The following PPEF1 variants were observed in gnomAD, a reference collection of about 807,000 sequenced individuals.
PPEF1 encodes the protein protein phosphatase with EF-hand domain 1.
A neutral mutation model predicts 53.3 loss-of-function variants in PPEF1; 12 were observed. That is an observed-to-expected ratio of 0.23 (90% confidence interval 0.14 to 0.36). The LOEUF (loss-of-function observed/expected upper bound fraction) is 0.36, where lower values mean the gene tolerates loss of function less well. PPEF1 is among the 10% of genes least tolerant of loss of function. The probability of loss-of-function intolerance (pLI) is 1.00; values close to 1 mark genes in which losing one functional copy is unlikely to be tolerated. For synonymous variants in PPEF1, 165 were observed against 176.7 expected (o/e 0.93, Z 0.52); for missense variants, 334 against 490.4 (o/e 0.68, Z 3.01).
At chrX:18,691,975 C>T (rs772409847) in intron 4 of PPEF1, among the ~76,000 whole-genome samples, 1 of 111,846 alleles carries the variant, frequency 8.9e-6, no homozygotes, top group South Asian at 3.8e-4. Context: ...TCCCTGTTGG[C>T]TCCTTCCTCT....
chrX:18,718,513 C>A (rs149260919), intron 1 of PPEF1, among the ~76,000 whole-genome samples: 1,560 of 111,349 alleles, frequency 0.014, 36 homozygotes, highest in African/African-American at 0.048. Context: ...TCACTTGAGC[C>A]CAGGAGGTGG....
At chrX:18,797,360 A>C in intron 10 of PPEF1, among the ~76,000 whole-genome samples, 1 of 112,171 alleles carries the variant, frequency 8.9e-6, no homozygotes, top group Middle Eastern at 4.6e-3. Flanking sequence ...CCTTATGTTC[A>C]CTGAGATGTG....
intron 6 of PPEF1, among the ~76,000 whole-genome samples, chrX:18,773,576 A>G (rs1284681966): frequency 8.9e-6 from 1 of 111,943 alleles, no homozygotes; most frequent in Non-Finnish European, 1.9e-5. Context: ...CTACTTTGCT[A>G]TTTCACTTTG....
Position 18,783,899 on chromosome X carries a change from C to G in PPEF1, c.763C>G (p.Leu255Val). ...FTKEILHKYK[L>V]HGKRILQILE... is the part of the protein sequence containing the mutation. ...AACTTACTCAAGCTCTTACTTACAG[C>G]TACATGGAAAAAGAATCTTACAAAT... Residue 255 changes from leucine (L) to valine (V), a missense_variant and splice_region_variant, in exon 9 of 16, where the codon CTA (leucine) becomes GTA (valine). Physicochemically the swap from Leu to Val is conservative, Grantham distance 32 (BLOSUM62 1). Transcript: ENST00000470157. The G allele has an allele frequency of 8.3e-7, 1 of 1,206,312 alleles. No homozygotes were observed. Among genetic ancestry groups the G allele is most frequent in the South Asian group, 1.8e-5 (1 of 55,591 alleles).
In PPEF1 at chrX:18,810,322, CCT is replaced by C. The variant is rs996317661; in HGVS notation, c.1394+3784_1394+3785del. On this transcript the variant is annotated intron_variant, in intron 12 of 15. Transcript: ENST00000470157. ...GAAAATTTCTCTTTCTCTGTCTCTGCCTCTCTCTGCGCACACACACACACACA... is the reference window on the plus strand; with the variant it reads ...GAAAATTTCTCTTTCTCTGTCTCTGCCTCTCTGCGCACACACACACACACA... 6.6e-5 allele frequency among the ~76,000 whole-genome samples: 7 copies of C among 106,554 alleles called. No individual in the cohort carries two copies. The East Asian group carries it at 1.1e-3, about 17-fold the overall frequency. The allele number at this position is 106,554 out of a possible 115,157, so 92.5% of individuals were successfully genotyped here. A position where few individuals can be genotyped will look rare whatever the true frequency, so the allele number is the denominator to read the frequency against.
chrX:18,688,340 A>T (rs976801826), intron 3 of PPEF1, among the ~76,000 whole-genome samples: 25 of 112,156 alleles, frequency 2.2e-4, no homozygotes, highest in African/African-American at 8.1e-4. Flanking sequence ...CTGGAAAGGG[A>T]GGTGGTTTTT....
In PPEF1 at chrX:18,677,615, C is replaced by G. The variant is rs560550366; in HGVS notation, c.-587+1485C>G. 4.1e-3 allele frequency among the ~76,000 whole-genome samples: 461 copies of G among 111,282 alleles called. 2 individuals are homozygous for G. The highest frequency in any genetic ancestry group is 0.014 in the African/African-American group (439 of 30,672). On this transcript the variant is annotated intron_variant, in intron 1 of 20. Coordinates refer to the PPEF1 transcript ENST00000689646. ...TCCGTAAACCTCCTGTACCCCCAAC[C>G]CTAATCTCGGTTACAGCTGATGATC...
intron 14 of PPEF1, among the ~76,000 whole-genome samples, chrX:18,824,946 G>A: frequency 8.9e-6 from 1 of 111,790 alleles, no homozygotes; most frequent in African/African-American, 3.2e-5. Context: ...TTACAGGCAT[G>A]AGCCCCTGTG....
intron 3 of PPEF1, among the ~76,000 whole-genome samples, chrX:18,748,287 A>T: frequency 8.9e-6 from 1 of 112,669 alleles, no homozygotes; most frequent in Non-Finnish European, 1.9e-5. Context: ...TTAAATTGCC[A>T]AATAGTATGA....
At chrX:18,728,764 G>A (rs973430799) in intron 1 of PPEF1, among the ~76,000 whole-genome samples, 13 of 111,428 alleles carry the variant, frequency 1.2e-4, no homozygotes, top group African/African-American at 3.6e-4. Flanking sequence ...CCAGGTCCTG[G>A]GATATTCTGT....
chrX:18,761,323 G>A (rs756843195), intron 5 of PPEF1, among the ~76,000 whole-genome samples: 2 of 111,734 alleles, frequency 1.8e-5, no homozygotes, highest in Non-Finnish European at 3.8e-5. Context: ...GGACTGAAAA[G>A]GTAATTGAAG....
intron 9 of PPEF1, among the ~76,000 whole-genome samples, chrX:18,788,768 T>C (rs1266136227): frequency 1.8e-5 from 2 of 112,412 alleles, no homozygotes; most frequent in Non-Finnish European, 3.8e-5. Flanking sequence ...ATCCTATGGC[T>C]AGATAAAGGC....
At chrX:18,764,048 G>A (rs2045718137) in intron 6 of PPEF1, among the ~76,000 whole-genome samples, 1 of 111,687 alleles carries the variant, frequency 9.0e-6, no homozygotes, top group South Asian at 3.7e-4. Context: ...AAGTAGGAGG[G>A]TAGTAGGACT....
intron 9 of PPEF1, among the ~76,000 whole-genome samples, chrX:18,786,542 G>C (rs910925309): frequency 4.5e-5 from 5 of 111,062 alleles, no homozygotes; most frequent in Non-Finnish European, 9.4e-5. Context: ...AGCACTTTTG[G>C]GAGGCTGAGG....
At chrX:18,747,428 C>A (rs1175368722) in intron 3 of PPEF1, among the ~76,000 whole-genome samples, 1 of 112,185 alleles carries the variant, frequency 8.9e-6, no homozygotes, top group Non-Finnish European at 1.9e-5. Context: ...TTTCCTCTTT[C>A]CTTCCAGCAT....
intron 1 of PPEF1, among the ~76,000 whole-genome samples, chrX:18,711,518 T>C (rs1306508810): frequency 8.9e-6 from 1 of 112,031 alleles, no homozygotes; most frequent in African/African-American, 3.2e-5. Flanking sequence ...TTGAACCATT[T>C]TGAGTTGCTG....
At chrX:18,778,891 G>T (rs777404645) in intron 6 of PPEF1, 119 bp from the exon 7 acceptor site, 3 of 740,432 alleles carry the variant, frequency 4.1e-6, no homozygotes, top group Non-Finnish European at 5.7e-6. Context: ...GATTTTTCCC[G>T]GTGGAAGAAC....
chrX:18,772,613 C>G (rs749550591), intron 6 of PPEF1, among the ~76,000 whole-genome samples: 31 of 111,892 alleles, frequency 2.8e-4, no homozygotes, highest in African/African-American at 1.0e-3. Flanking sequence ...TAGAATTTGG[C>G]TGTGAATGTT....
chrX:18,752,789 G>A (rs753750527), intron 4 of PPEF1, among the ~76,000 whole-genome samples: 7 of 106,799 alleles, frequency 6.6e-5, no homozygotes, highest in African/African-American at 2.4e-4. Context: ...TTCTATTAAT[G>A]TGGTGTGATA....
Sources: allele counts gnomAD v4.1 joint callset (sites outside exome capture counted in the v4.1 genomes callset), GRCh38; gene constraint gnomAD v4.1.1; transcripts MANE v1.5; gene names NCBI Gene and HGNC (gene_info 2026-07-23, HGNC 2026-07-21).